Variants in DENND1A observed in about 807,000 individuals in gnomAD.
The protein encoded by DENND1A is DENN domain-containing protein 1A.
DENND1A carries 51 observed loss-of-function variants against 113.7 expected under a neutral mutation model. The ratio of observed to expected loss-of-function variants is 0.45; its 90% CI spans 0.36 to 0.57. The LOEUF is 0.57. DENND1A is among the 20% of genes least tolerant of loss of function. DENND1A has a pLI of 0.00. For synonymous variants in DENND1A, 565 were observed against 570.8 expected, an observed-to-expected ratio of 0.99 and a Z score of 0.14; for missense variants, 1,258 against 1,395.9, an observed-to-expected ratio of 0.90 and a Z score of 1.57.
intron 13 of DENND1A, among the ~76,000 whole-genome samples, chr9:123,475,830 A>G (rs984774519): frequency 2.0e-5 from 3 of 152,348 alleles, no homozygotes; most frequent in Admixed American, 1.3e-4. Flanking sequence ...CCATATACGT[A>G]TGTAGGTGAG....
intron 2 of DENND1A, among the ~76,000 whole-genome samples, chr9:123,856,648 G>A (rs573411547): frequency 7.2e-5 from 11 of 152,136 alleles, no homozygotes; most frequent in Admixed American, 1.3e-4. Flanking sequence ...AGCCATGCAC[G>A]GGGTGTCAAA....
intron 10 of DENND1A, among the ~76,000 whole-genome samples, chr9:123,616,363 TTATG>T (rs2060649742): frequency 6.6e-6 from 1 of 152,236 alleles, no homozygotes; most frequent in Non-Finnish European, 1.5e-5. Context: ...CTCTTAACCA[TTATG>T]CTACTGTCGA....
chr9:123,533,147 A>G (rs2055466677), intron 13 of DENND1A, among the ~76,000 whole-genome samples: 1 of 152,262 alleles, frequency 6.6e-6, no homozygotes, highest in Non-Finnish European at 1.5e-5. Context: ...CATTTTCTAC[A>G]GAATCAAGTC....
chr9:123,603,056 C>T (rs1236634032), intron 11 of DENND1A, among the ~76,000 whole-genome samples: 1 of 152,180 alleles, frequency 6.6e-6, no homozygotes, highest in East Asian at 1.9e-4. Flanking sequence ...CAAATGTGAA[C>T]TACATCTTAC....
rs60092060 is a variant in DENND1A at position 123,710,560 on chromosome 9, C to CACACACACACACACACACACACAT, written c.303-33772_303-33771insATGTGTGTGTGTGTGTGTGTGTGT. Among the ~76,000 whole-genome samples the CACACACACACACACACACACACAT allele has an allele frequency of 8.1e-3, 1,206 of 148,954 alleles. 53 individuals are homozygous for CACACACACACACACACACACACAT. The highest frequency in any genetic ancestry group is 0.011 in the Non-Finnish European group (728 of 67,358). On this transcript the variant is annotated intron_variant, in intron 5 of 23. Transcript: ENST00000394215. ...ACACACACACACACACACACACACA[C>CACACACACACACACACACACACAT]TGGCATCATACAAATTTGCTTTGAG...
intron 4 of DENND1A, among the ~76,000 whole-genome samples, chr9:123,767,866 TTC>T (rs1829076475): frequency 6.6e-6 from 1 of 152,220 alleles, no homozygotes; most frequent in Non-Finnish European, 1.5e-5. Context: ...TAAAAATGTA[TTC>T]TCTTATTTTT....
intron 2 of DENND1A, among the ~76,000 whole-genome samples, chr9:123,809,045 G>C (rs1245228574): frequency 3.3e-5 from 5 of 152,192 alleles, no homozygotes; most frequent in Non-Finnish European, 7.3e-5. Context: ...TCCACCTAGT[G>C]AGACCTGAAA....
chr9:123,667,723 A>C (rs2063560364), intron 7 of DENND1A, among the ~76,000 whole-genome samples: 1 of 152,238 alleles, frequency 6.6e-6, no homozygotes. Flanking sequence ...TCTAGGAACA[A>C]AATATCACCA....
intron 13 of DENND1A, among the ~76,000 whole-genome samples, chr9:123,539,134 A>T (rs948653977): frequency 1.3e-5 from 2 of 152,092 alleles, no homozygotes; most frequent in African/African-American, 4.8e-5. Flanking sequence ...TATTAAACAC[A>T]TTGGCTACTA....
At chr9:123,787,803 A>G (rs1832411006) in intron 3 of DENND1A, among the ~76,000 whole-genome samples, 1 of 152,148 alleles carries the variant, frequency 6.6e-6, no homozygotes, top group Non-Finnish European at 1.5e-5. Context: ...AATTTTTCCC[A>G]ATGTGCCATG....
chr9:123,563,242 AAC>A (rs1463598715), intron 12 of DENND1A, among the ~76,000 whole-genome samples: 3 of 152,168 alleles, frequency 2.0e-5, no homozygotes, highest in East Asian at 1.9e-4. Flanking sequence ...CACATCCAGT[AAC>A]ACACACAGTA....
At chr9:123,688,488 T>C (rs188680506) in intron 5 of DENND1A, among the ~76,000 whole-genome samples, 5 of 152,306 alleles carry the variant, frequency 3.3e-5, no homozygotes, top group African/African-American at 1.2e-4. Flanking sequence ...CTGGTTTAGA[T>C]TTGTGCGAGA....
intron 10 of DENND1A, among the ~76,000 whole-genome samples, chr9:123,621,927 G>A (rs1195232561): frequency 6.6e-6 from 1 of 152,098 alleles, no homozygotes; most frequent in Non-Finnish European, 1.5e-5. Context: ...AATCCTACAT[G>A]GAATATGTGA....
intron 11 of DENND1A, among the ~76,000 whole-genome samples, chr9:123,583,908 C>A (rs945818172): frequency 2.0e-5 from 3 of 152,168 alleles, no homozygotes; most frequent in African/African-American, 7.2e-5. Flanking sequence ...CTCATGCCTA[C>A]AAGGTTTTCA....
chr9:123,691,156 G>T (rs566411916), intron 5 of DENND1A, among the ~76,000 whole-genome samples: 1 of 152,276 alleles, frequency 6.6e-6, no homozygotes, highest in South Asian at 2.1e-4. Context: ...CTGCAAGGCT[G>T]GATCATTCAT....
intron 21 of DENND1A, among the ~76,000 whole-genome samples, chr9:123,399,529 G>A (rs189013868): frequency 2.6e-5 from 4 of 152,242 alleles, no homozygotes; most frequent in Non-Finnish European, 5.9e-5. Context: ...CACCATGCCC[G>A]GCTAATACCT....
At chr9:123,395,468 C>CTCTCTCTCTGTGTGTGTGTGTG (rs367751848) in intron 21 of DENND1A, among the ~76,000 whole-genome samples, 1 of 142,888 alleles carries the variant, frequency 7.0e-6, no homozygotes, top group Non-Finnish European at 1.5e-5. Context: ...CTCTCTCTCT[C>CTCTCTCTCTGTGTGTGTGTGTG]TGTGTGTGTG....
chr9:123,473,530 C>T (rs979693827), intron 13 of DENND1A, among the ~76,000 whole-genome samples: 5 of 152,180 alleles, frequency 3.3e-5, no homozygotes, highest in African/African-American at 1.2e-4. Flanking sequence ...CAGCTATTTG[C>T]AGGGCCAAAA....
chr9:123,780,433 A>G (rs1204664242), intron 3 of DENND1A, among the ~76,000 whole-genome samples: 1 of 152,232 alleles, frequency 6.6e-6, no homozygotes, highest in Non-Finnish European at 1.5e-5. Context: ...AGATCGGATT[A>G]AGAAGGGAAG....
Sources: gnomAD v4.1 joint callset for allele counts (sites outside exome capture counted in the v4.1 genomes callset) on GRCh38, gnomAD v4.1.1 for gene constraint, MANE v1.5 for transcripts, NCBI Gene and HGNC (gene_info 2026-07-23, HGNC 2026-07-21) for gene names.